The following MEI1 variants were observed in gnomAD, a reference collection of about 807,000 sequenced individuals.
MEI1 encodes meiosis inhibitor protein 1.
Under a neutral mutation model 146.2 loss-of-function variants are expected in MEI1, and 103 were observed. The ratio of observed to expected loss-of-function variants is 0.70; its 90% CI spans 0.60 to 0.83. The LOEUF is 0.83. Among genes scored for constraint, MEI1 ranks in the 40% least tolerant of loss-of-function variants. The pLI, the probability that MEI1 is intolerant of heterozygous loss-of-function variation, is 0.00. For synonymous variants in MEI1, 652 were observed against 628.2 expected (o/e 1.04, Z -0.57); for missense variants, 1,529 against 1,533.0 (o/e 1.00, Z 0.04).
intron 21 of MEI1, 73 bp from the exon 22 acceptor site, chr22:41,778,635 G>A (rs1235736282): frequency 8.4e-7 from 1 of 1,184,880 alleles, no homozygotes; most frequent in South Asian, 1.3e-5. Context: ...GGCCATTGAA[G>A]CAGGGCAGGG....
chr22:41,778,688 GTCC>G lies in MEI1; in HGVS notation c.2711-15_2711-13del. On this transcript the variant is annotated splice_polypyrimidine_tract_variant and intron_variant, in intron 21 of 30. Coordinates refer to ENST00000401548, the MANE Select transcript of MEI1 (RefSeq NM_152513.4). ...ATCTGAGCATCAGGCTTCTTGCCCA[GTCC>G]TCCTTGTTCTTCACAGCCTCGGGGA... 6.3e-7 allele frequency: 1 copy of G among 1,574,932 alleles called. No individual in the cohort carries two copies. Among genetic ancestry groups the G allele is most frequent in the Non-Finnish European group, 8.6e-7 (1 of 1,157,132 alleles).
In MEI1 at chr22:41,776,280, G is replaced by T; in HGVS notation, c.2710+13G>T. 1 of 1,612,626 alleles carries T rather than the reference G, an allele frequency of 6.2e-7. No individual in the cohort carries two copies. Among genetic ancestry groups the T allele is most frequent in the Non-Finnish European group, 8.5e-7 (1 of 1,179,640 alleles). On this transcript the variant is annotated intron_variant, in intron 21 of 30. Coordinates refer to ENST00000401548, the MANE Select transcript of MEI1 (RefSeq NM_152513.4). ...TCCCCATCAGGAGGTCAGTCTGCAG[G>T]TGCTGTGGGCACACTTTGACCTGAA...
intron 1 of MEI1, 68 bp from the exon 2 acceptor site, chr22:41,703,263 T>TA: frequency 1.3e-6 from 2 of 1,538,972 alleles, no homozygotes; most frequent in Non-Finnish European, 1.8e-6. Flanking sequence ...ATTTGGAAAT[T>TA]ACGGTTGTTG....
intron 17 of MEI1, among the ~76,000 whole-genome samples, chr22:41,756,426 G>A (rs2074097602): frequency 6.6e-6 from 1 of 151,528 alleles, no homozygotes; most frequent in Admixed American, 6.6e-5. Context: ...GTGAGCCACC[G>A]CACCTGGCCT....
intron 11 of MEI1, among the ~76,000 whole-genome samples, chr22:41,740,256 G>A (rs1302584944): frequency 6.6e-6 from 1 of 152,084 alleles, no homozygotes; most frequent in Non-Finnish European, 1.5e-5. Context: ...CTGACCTTGT[G>A]ATCTGCCTGC....
chr22:41,776,621 G>A (rs879303307), intron 21 of MEI1, among the ~76,000 whole-genome samples: 7 of 152,104 alleles, frequency 4.6e-5, no homozygotes, highest in African/African-American at 9.7e-5. Flanking sequence ...GCAGCAGTCC[G>A]CAGGGGCTGG....
chr22:41,725,535 G>GAA (rs2071256232), intron 7 of MEI1, among the ~76,000 whole-genome samples: 1 of 152,194 alleles, frequency 6.6e-6, no homozygotes, highest in Admixed American at 6.5e-5. Context: ...TTGGTACTGA[G>GAA]AACCTTCTTT....
intron 18 of MEI1, among the ~76,000 whole-genome samples, chr22:41,761,733 A>ACCT (rs1305508977): frequency 2.0e-5 from 3 of 152,116 alleles, no homozygotes; most frequent in African/African-American, 7.2e-5. Flanking sequence ...CACAACCACC[A>ACCT]CCTTCATCTA....
chr22:41,709,344 C>G, intron 3 of MEI1: 2 of 755,556 alleles, frequency 2.6e-6, no homozygotes, highest in Non-Finnish European at 4.8e-6. Context: ...GGTACCTTCT[C>G]TTCTTTGCAG....
At chr22:41,748,964 G>A (rs1030344678) in intron 15 of MEI1, among the ~76,000 whole-genome samples, 3 of 152,076 alleles carry the variant, frequency 2.0e-5, no homozygotes, top group East Asian at 3.9e-4. Context: ...CACCACGCCC[G>A]GCTAATTTTT....
At chr22:41,712,103 C>T (rs914112756) in intron 3 of MEI1, among the ~76,000 whole-genome samples, 4 of 133,370 alleles carry the variant, frequency 3.0e-5, no homozygotes, top group Non-Finnish European at 3.1e-5. Context: ...ACTCGGGAGG[C>T]TGAGGCAGGA....
intron 1 of MEI1, among the ~76,000 whole-genome samples, chr22:41,702,532 C>T (rs980777412): frequency 6.6e-6 from 1 of 151,804 alleles, no homozygotes; most frequent in African/African-American, 2.4e-5. Context: ...CCGCAACCTC[C>T]CCTCCCAGAT....
chr22:41,779,807 T>C (rs2075663885), intron 22 of MEI1, among the ~76,000 whole-genome samples: 1 of 152,170 alleles, frequency 6.6e-6, no homozygotes, highest in Admixed American at 6.6e-5. Flanking sequence ...TCCAGGCTTT[T>C]TTCTTACCCA....
intron 26 of MEI1, among the ~76,000 whole-genome samples, chr22:41,791,361 G>C (rs967248151): frequency 3.3e-5 from 5 of 152,174 alleles, no homozygotes; most frequent in Non-Finnish European, 7.3e-5. Context: ...GGTGGCACAT[G>C]CCTGTAGTTC....
chr22:41,733,863 A>G (rs957544824), intron 11 of MEI1, among the ~76,000 whole-genome samples: 3 of 152,188 alleles, frequency 2.0e-5, no homozygotes, highest in Non-Finnish European at 4.4e-5. Flanking sequence ...GCGGTGGCTC[A>G]TGCCTATAAT....
rs1397762502 is a variant in MEI1 at position 41,770,939 on chromosome 22, C to A, written c.2522C>A (p.Pro841His). The stretch of plus-strand genomic sequence containing the variant: ...CTGTTCCAGTTGCTCAGAAGCATCC[C>A]CAGCATCCTGCTCATCTTGCTGGTA... Reference protein sequence around the residue: ...VVLFQLLRSIPSILLILLDLI... With the variant: ...VVLFQLLRSIHSILLILLDLI... Residue 841 changes from proline to histidine, a missense_variant, in exon 20 of 31, where the codon CCC becomes CAC. Physicochemically the swap from Pro to His is moderately conservative, Grantham distance 77 (BLOSUM62 -2). Coordinates refer to ENST00000401548, the MANE Select transcript of MEI1 (RefSeq NM_152513.4). 1 of 1,613,814 alleles carries A rather than the reference C, an allele frequency of 6.2e-7. No homozygotes were observed. The highest frequency in any genetic ancestry group is 1.1e-5 in the South Asian group (1 of 91,066).
chr22:41,770,268 A>C (rs1175724801), intron 19 of MEI1, among the ~76,000 whole-genome samples: 1 of 152,146 alleles, frequency 6.6e-6, no homozygotes, highest in East Asian at 1.9e-4. Flanking sequence ...GGAAGTAGAC[A>C]TGCACACTGA....
Position 41,699,555 on chromosome 22 carries a change from C to A in MEI1, c.17C>A (p.Ala6Glu), listed in dbSNP as rs760554333. 6.2e-7 allele frequency: 1 copy of A among 1,611,094 alleles called. No individual in the cohort carries two copies. The highest frequency in any genetic ancestry group is 2.2e-5 in the East Asian group (1 of 44,812). The change falls in exon 1 of 31, where the codon GCG (alanine) becomes GAG (glutamate). Residue 6 changes from alanine to glutamate, a missense_variant. By Grantham distance (107) the Ala-to-Glu change is moderately radical. Around this residue, in one of 3 missense-constraint regions of MEI1, gnomAD observed 1,212 missense variants for 1,178.9 expected, o/e 1.03. Transcript: ENST00000401548. The stretch of plus-strand genomic sequence containing the variant: ...AGCGAGGAGATGGCTGTGAGGCAGG[C>A]GGCGACGGCGGGCACTCCCGGGCCC... Reference protein sequence around the residue: MAVRQAATAGTPGPRR... With the variant: MAVRQEATAGTPGPRR...
chr22:41,711,273 C>T lies in MEI1; in HGVS notation c.350-2729C>T, dbSNP rs1319144632. 3.3e-5 allele frequency among the ~76,000 whole-genome samples: 5 copies of T among 152,012 alleles called. 1 individual carries two copies. Among genetic ancestry groups the T allele is most frequent in the Admixed American group, 6.5e-5 (1 of 15,270 alleles). ...CTGCAAGCTCTGCCTCCTGGGTTCACGCCATTCTCCTGCCTCAGCCTCCCG... is the reference window on the plus strand; with the variant it reads ...CTGCAAGCTCTGCCTCCTGGGTTCATGCCATTCTCCTGCCTCAGCCTCCCG... On this transcript the variant is annotated intron_variant, in intron 3 of 30. Coordinates refer to ENST00000401548, the MANE Select transcript of MEI1 (RefSeq NM_152513.4).
Sources: gnomAD v4.1 joint callset for allele counts (sites outside exome capture counted in the v4.1 genomes callset) on GRCh38, gnomAD v4.1.1 for gene constraint, gnomAD v4.1.1 regional missense constraint, MANE v1.5 for transcripts, NCBI Gene and HGNC (gene_info 2026-07-23, HGNC 2026-07-21) for gene names.